NBAS: variants seen among roughly 807,000 people sequenced by gnomAD.
NBAS encodes the protein NBAS subunit of NRZ tethering complex.
In NBAS, 219 loss-of-function variants were observed where a neutral mutation model predicts 302.5. That is an observed-to-expected ratio of 0.72 (90% CI 0.65 to 0.81). NBAS has a LOEUF of 0.81. Among genes scored for constraint, NBAS ranks in the 30% least tolerant of loss-of-function variants. The pLI is 0.00. For missense variants in NBAS, 2,932 were observed against 2,841.6 expected, an observed-to-expected ratio of 1.03 and a Z score of -0.72; for synonymous variants, 1,118 against 1,021.6, an observed-to-expected ratio of 1.09 and a Z score of -1.80.
chr2:15,227,404 T>C (rs555169132), intron 47 of NBAS, among the ~76,000 whole-genome samples: 40 of 152,248 alleles, frequency 2.6e-4, no homozygotes, highest in Admixed American at 4.6e-4. Context: ...AGAAGAATAC[T>C]GTTAAAACAT....
chr2:14,786,996 C>G, the NBAS span, among the ~76,000 whole-genome samples: 1 of 152,162 alleles, frequency 6.6e-6, no homozygotes, highest in Non-Finnish European at 1.5e-5. Flanking sequence ...CTTTATGAAT[C>G]TGAGTGCTCC....
Position 15,218,895 on chromosome 2 carries a change from G to A in NBAS, c.6310C>T (p.Arg2104Trp), listed in dbSNP as rs763164043. 24 of 1,614,128 alleles carry A rather than the reference G, an allele frequency of 1.5e-5. No homozygotes were observed. Among genetic ancestry groups the A allele is most frequent in the African/African-American group, 2.7e-5 (2 of 74,936 alleles). ...PFCADDAWPV[R>W]PRIHVLQILG... ...ATCTGCAGCACGTGAATGCGGGGCC[G>A]CACCGGCCAGGCGTCATCAGCACAG... Residue 2104 changes from arginine to tryptophan, a missense_variant, in exon 48 of 52, where the codon CGG becomes TGG. By Grantham distance (101) the Arg-to-Trp change is moderately radical (BLOSUM62 -3). Transcript: ENST00000281513.
the NBAS span, among the ~76,000 whole-genome samples, chr2:14,969,530 C>A: frequency 2.0e-5 from 3 of 151,554 alleles, no homozygotes; most frequent in African/African-American, 7.3e-5. Context: ...GCACACACCA[C>A]CATACGCGGC....
the NBAS span, among the ~76,000 whole-genome samples, chr2:14,813,205 G>T: frequency 1.3e-5 from 2 of 152,168 alleles, no homozygotes; most frequent in African/African-American, 4.8e-5. Context: ...TGGGGCATTG[G>T]TATAAAGATA....
intron 3 of NBAS, among the ~76,000 whole-genome samples, chr2:15,555,613 T>A (rs1344191302): frequency 6.6e-6 from 1 of 152,170 alleles, no homozygotes; most frequent in African/African-American, 2.4e-5. Flanking sequence ...TGGGTTTAAT[T>A]ACCATAAACT....
chr2:15,202,989 T>C (rs1160788816), intron 48 of NBAS, among the ~76,000 whole-genome samples: 1 of 152,226 alleles, frequency 6.6e-6, no homozygotes, highest in African/African-American at 2.4e-5. Context: ...ATTGGCCCTG[T>C]CACTTAATAG....
chr2:15,493,382 C>A (rs1680942795), intron 11 of NBAS, among the ~76,000 whole-genome samples: 1 of 152,038 alleles, frequency 6.6e-6, no homozygotes, highest in Admixed American at 6.6e-5. Flanking sequence ...TAAAAGTATA[C>A]CTCGGCCAGG....
At chr2:15,099,259 G>A in the NBAS span, among the ~76,000 whole-genome samples, 2 of 152,004 alleles carry the variant, frequency 1.3e-5, no homozygotes, top group African/African-American at 4.8e-5. Flanking sequence ...TTGCTCCACT[G>A]CACTCCAGCC....
At chr2:14,923,619 C>T in the NBAS span, among the ~76,000 whole-genome samples, 1 of 152,080 alleles carries the variant, frequency 6.6e-6, no homozygotes, top group African/African-American at 2.4e-5. Flanking sequence ...TTAGACAAGG[C>T]CAAAGAAGAC....
the NBAS span, among the ~76,000 whole-genome samples, chr2:15,161,066 G>A: frequency 2.0e-5 from 3 of 152,286 alleles, no homozygotes; most frequent in Non-Finnish European, 4.4e-5. Flanking sequence ...AAGAAAGCCT[G>A]AATTCTCAAG....
chr2:15,376,338 T>A (rs1017534602), intron 30 of NBAS, among the ~76,000 whole-genome samples: 5 of 152,032 alleles, frequency 3.3e-5, no homozygotes, highest in Non-Finnish European at 7.4e-5. Context: ...GAGAAAGAGA[T>A]GCAATGAAGG....
At chr2:15,350,297 A>G (rs765119569) in intron 35 of NBAS, among the ~76,000 whole-genome samples, 1 of 152,166 alleles carries the variant, frequency 6.6e-6, no homozygotes, top group Non-Finnish European at 1.5e-5. Flanking sequence ...AAGTTAGTGC[A>G]GTTCACTTAC....
At chr2:15,370,380 A>G (rs568078257) in intron 31 of NBAS, among the ~76,000 whole-genome samples, 3 of 152,096 alleles carry the variant, frequency 2.0e-5, no homozygotes, top group Non-Finnish European at 2.9e-5. Context: ...TGCAGACTCA[A>G]CCTCCTAGGA....
chr2:14,931,249 G>A, the NBAS span, among the ~76,000 whole-genome samples: 2 of 152,194 alleles, frequency 1.3e-5, no homozygotes, highest in Non-Finnish European at 2.9e-5. Flanking sequence ...ACACATGCTA[G>A]CTATGACCTT....
chr2:15,207,156 C>T (rs141630843), intron 48 of NBAS, among the ~76,000 whole-genome samples: 21 of 152,326 alleles, frequency 1.4e-4, no homozygotes, highest in African/African-American at 3.6e-4. Flanking sequence ...TGGGAGCCTA[C>T]ATCTTGCATG....
the NBAS span, among the ~76,000 whole-genome samples, chr2:14,824,563 T>G: frequency 6.6e-6 from 1 of 152,128 alleles, no homozygotes; most frequent in Non-Finnish European, 1.5e-5. Flanking sequence ...AACAAGGGCA[T>G]CAGCAGCAGC....
At chr2:15,480,938 C>T (rs1293815453) in intron 12 of NBAS, among the ~76,000 whole-genome samples, 1 of 152,174 alleles carries the variant, frequency 6.6e-6, no homozygotes, top group Non-Finnish European at 1.5e-5. Flanking sequence ...ACACTTCTAT[C>T]ACTCCAAAGC....
the NBAS span, among the ~76,000 whole-genome samples, chr2:14,953,677 G>A: frequency 1.3e-5 from 2 of 152,154 alleles, no homozygotes; most frequent in Non-Finnish European, 2.9e-5. Context: ...TCCGTGTCCA[G>A]ACTTTCAGCC....
chr2:15,139,727 C>G, the NBAS span, among the ~76,000 whole-genome samples: 1 of 152,124 alleles, frequency 6.6e-6, no homozygotes, highest in East Asian at 1.9e-4. Flanking sequence ...CCTAGTAGTC[C>G]TTCATCTGAG....
Sources: gnomAD v4.1 joint callset for allele counts (sites outside exome capture counted in the v4.1 genomes callset) on GRCh38, gnomAD v4.1.1 for gene constraint, MANE v1.5 for transcripts, NCBI Gene and HGNC (gene_info 2026-07-23, HGNC 2026-07-21) for gene names.